KIAA1217: variants seen among roughly 807,000 people sequenced by gnomAD.
KIAA1217 encodes the protein sickle tail protein homolog.
KIAA1217 carries 88 observed loss-of-function variants against 163.9 expected under a neutral mutation model. The ratio of observed to expected loss-of-function variants is 0.54; its 90% CI spans 0.45 to 0.64. The LOEUF (loss-of-function observed/expected upper bound fraction) is 0.64, where lower values mean the gene tolerates loss of function less well. Among genes scored for constraint, KIAA1217 ranks in the 30% least tolerant of loss-of-function variants. The pLI is 0.00. For missense variants in KIAA1217, 2,372 were observed against 2,475.0 expected, an observed-to-expected ratio of 0.96 and a Z score of 0.88; for synonymous variants, 903 against 923.1, an observed-to-expected ratio of 0.98 and a Z score of 0.39.
chr10:24,339,764 A>G (rs1436572704), intron 2 of KIAA1217, among the ~76,000 whole-genome samples: 2 of 152,212 alleles, frequency 1.3e-5, no homozygotes, highest in Non-Finnish European at 2.9e-5. Flanking sequence ...TGAGACTTTT[A>G]TTATTATCCA....
chr10:24,347,206 C>T (rs1032924316), intron 2 of KIAA1217, among the ~76,000 whole-genome samples: 1 of 152,090 alleles, frequency 6.6e-6, no homozygotes, highest in African/African-American at 2.4e-5. Context: ...AAATGATAGC[C>T]CTCTACCCAG....
chr10:24,503,405 A>T (rs1311900396), intron 9 of KIAA1217, among the ~76,000 whole-genome samples: 3 of 152,144 alleles, frequency 2.0e-5, no homozygotes, highest in Non-Finnish European at 2.9e-5. Flanking sequence ...TCGCTTTGCA[A>T]TTTTAAAGAC....
At chr10:24,386,107 T>C (rs2053972317) in intron 3 of KIAA1217, among the ~76,000 whole-genome samples, 1 of 152,230 alleles carries the variant, frequency 6.6e-6, no homozygotes, top group African/African-American at 2.4e-5. Flanking sequence ...GATTCCTTTG[T>C]TGACCATATT....
intron 2 of KIAA1217, among the ~76,000 whole-genome samples, chr10:24,268,080 G>A (rs964101541): frequency 1.3e-5 from 2 of 152,088 alleles, no homozygotes; most frequent in African/African-American, 4.8e-5. Flanking sequence ...TAAGCTACGC[G>A]GGCAGGCACT....
chr10:24,346,782 G>T (rs1183196081), intron 2 of KIAA1217, among the ~76,000 whole-genome samples: 2 of 151,896 alleles, frequency 1.3e-5, no homozygotes, highest in Non-Finnish European at 1.5e-5. Context: ...TGTTGGCCAG[G>T]CTGGTCTCGA....
intron 1 of KIAA1217, among the ~76,000 whole-genome samples, chr10:23,924,867 G>A (rs150409317): frequency 5.5e-5 from 8 of 144,332 alleles, no homozygotes; most frequent in African/African-American, 1.7e-4. Context: ...AGGATGTGGC[G>A]TTAGCTGTTA....
At chr10:24,459,714 G>C (rs1317999455) in intron 5 of KIAA1217, among the ~76,000 whole-genome samples, 3 of 152,144 alleles carry the variant, frequency 2.0e-5, no homozygotes, top group Non-Finnish European at 4.4e-5. Context: ...CTTGAGGCAA[G>C]GAGTTTGAGG....
chr10:23,753,367 G>A (rs1833748330), intron 1 of KIAA1217, among the ~76,000 whole-genome samples: 1 of 152,190 alleles, frequency 6.6e-6, no homozygotes, highest in Admixed American at 6.5e-5. Flanking sequence ...AATAATCTGA[G>A]AGCTTTGCAC....
intron 1 of KIAA1217, among the ~76,000 whole-genome samples, chr10:23,929,909 T>G (rs560557603): frequency 1.3e-5 from 2 of 152,330 alleles, no homozygotes; most frequent in East Asian, 3.9e-4. Flanking sequence ...TGAACTAATT[T>G]ATATTCCCAC....
chr10:23,839,186 G>T lies in KIAA1217; in HGVS notation c.-321+143952G>T, dbSNP rs948151355. On this transcript the variant is annotated intron_variant, in intron 1 of 18. Transcript: ENST00000376462. ...TCTAGTTCCCTTTTCTTCTCTTCCT[G>T]TGTCTCAGACAGCTTCTGAATAATT... 8.6e-5 allele frequency among the ~76,000 whole-genome samples: 13 copies of T among 151,782 alleles called. No homozygotes were observed. The South Asian group carries it at 2.5e-3, about 29-fold the overall frequency.
chr10:23,940,804 T>C (rs118068635), intron 1 of KIAA1217, among the ~76,000 whole-genome samples: 3,169 of 152,340 alleles, frequency 0.021, 60 homozygotes, highest in Admixed American at 0.063. Flanking sequence ...GAAACTTCAC[T>C]CAACTAGTTG....
intron 1 of KIAA1217, among the ~76,000 whole-genome samples, chr10:23,851,573 C>A (rs1437832887): frequency 6.6e-6 from 1 of 152,066 alleles, no homozygotes; most frequent in African/African-American, 2.4e-5. Flanking sequence ...TTCTAGATCC[C>A]TGAGGAATCG....
At chr10:23,837,889 T>C (rs1455363852) in intron 1 of KIAA1217, among the ~76,000 whole-genome samples, 1 of 152,132 alleles carries the variant, frequency 6.6e-6, no homozygotes, top group African/African-American at 2.4e-5. Context: ...ATACTGGCTG[T>C]TATCTTCTAG....
chr10:24,308,923 G>T (rs2042303410), intron 2 of KIAA1217, among the ~76,000 whole-genome samples: 1 of 152,098 alleles, frequency 6.6e-6, no homozygotes, highest in Non-Finnish European at 1.5e-5. Context: ...AGGAGTTTGA[G>T]ACCAGCCTGG....
chr10:24,062,748 CCCA>C (rs59156820), intron 2 of KIAA1217, among the ~76,000 whole-genome samples: 1,589 of 152,078 alleles, frequency 0.01, 31 homozygotes, highest in African/African-American at 0.036. Flanking sequence ...AGTTTACAGT[CCCA>C]CCAACAATGT....
chr10:23,721,321 C>A (rs1337593681), intron 1 of KIAA1217, among the ~76,000 whole-genome samples: 1 of 152,140 alleles, frequency 6.6e-6, no homozygotes, highest in Non-Finnish European at 1.5e-5. Flanking sequence ...TTCTTGCTCC[C>A]AGTATTATTT....
upstream of KIAA1217, chr10:24,209,029 G>T (rs1332250888): frequency 3.3e-6 from 2 of 605,650 alleles, no homozygotes; most frequent in East Asian, 2.8e-5. Context: ...CAGTTTTCTC[G>T]GGCGAGGGAG....
At chr10:23,855,428 C>T (rs1209717575) in intron 1 of KIAA1217, among the ~76,000 whole-genome samples, 12 of 152,166 alleles carry the variant, frequency 7.9e-5, no homozygotes, top group Admixed American at 5.9e-4. Context: ...CCCGACCTTT[C>T]TGTCTGGCTG....
At chr10:24,432,118 C>CTT (rs57893341) in intron 3 of KIAA1217, among the ~76,000 whole-genome samples, 12 of 116,402 alleles carry the variant, frequency 1.0e-4, no homozygotes, top group East Asian at 7.4e-4. Flanking sequence ...AAGTATCGTC[C>CTT]TTTTTTTTTT....
Sources: allele counts gnomAD v4.1 joint callset (sites outside exome capture counted in the v4.1 genomes callset), GRCh38; gene constraint gnomAD v4.1.1; transcripts MANE v1.5; gene names NCBI Gene and HGNC (gene_info 2026-07-23, HGNC 2026-07-21).